HTR7: variants seen among roughly 807,000 people sequenced by gnomAD.
HTR7 encodes the protein 5-HT-7.
In HTR7, 16 loss-of-function variants were observed where a neutral mutation model predicts 34.0. The ratio of observed to expected loss-of-function variants is 0.47; its 90% CI spans 0.32 to 0.71. The LOEUF is 0.71. Ranked by LOEUF, HTR7 falls within the 30% of genes least tolerant of loss-of-function variation. HTR7 has a pLI of 0.04. For synonymous variants in HTR7, 265 were observed against 260.2 expected, an observed-to-expected ratio of 1.02 and a Z score of -0.18; for missense variants, 504 against 625.5, an observed-to-expected ratio of 0.81 and a Z score of 2.07.
chr10:90,817,802 G>A (rs1020872206), intron 1 of HTR7, among the ~76,000 whole-genome samples: 1 of 152,122 alleles, frequency 6.6e-6, no homozygotes, highest in Non-Finnish European at 1.5e-5. Context: ...ATAATAGCAA[G>A]AAAGTGGAAA....
intron 1 of HTR7, among the ~76,000 whole-genome samples, chr10:90,791,607 A>G (rs1207705355): frequency 2.6e-5 from 4 of 152,126 alleles, no homozygotes; most frequent in African/African-American, 9.7e-5. Context: ...CTAAATTAAA[A>G]TGTCATAGCC....
chr10:90,841,771 T>C (rs1054968053), intron 1 of HTR7, among the ~76,000 whole-genome samples: 1 of 152,052 alleles, frequency 6.6e-6, no homozygotes, highest in African/African-American at 2.4e-5. Context: ...AGGCCAAAGT[T>C]GGCTGATCAC....
chr10:90,818,107 T>A (rs1564692499), intron 1 of HTR7, among the ~76,000 whole-genome samples: 1 of 152,220 alleles, frequency 6.6e-6, no homozygotes, highest in Non-Finnish European at 1.5e-5. Flanking sequence ...GGTTTAAATG[T>A]GTTCATATGT....
chr10:90,829,937 T>C (rs1015737287), intron 1 of HTR7, among the ~76,000 whole-genome samples: 15 of 152,028 alleles, frequency 9.9e-5, no homozygotes, highest in African/African-American at 3.6e-4. Flanking sequence ...AGAGAACACA[T>C]ACAAAAAAAG....
At position 90,749,623 on chromosome 10, in the gene HTR7, G is replaced by T; in HGVS notation, c.540-29C>A. ...GTGGAGAGATGGAAAGATAACAGAT[G>T]AACACCGTGATCATAACTGGTCAAC... On this transcript the variant is annotated intron_variant, in intron 1 of 3. Coordinates refer to ENST00000336152, the MANE Select transcript of HTR7 (RefSeq NM_019859.4). The surrounding 1 kb of genome is among the most constrained non-coding windows in gnomAD (Gnocchi z 4.2). 1.3e-6 allele frequency: 2 copies of T among 1,575,228 alleles called. No homozygotes were observed. Among genetic ancestry groups the T allele is most frequent in the South Asian group, 1.2e-5 (1 of 84,196 alleles).
chr10:90,831,720 C>A (rs1034294720), intron 1 of HTR7, among the ~76,000 whole-genome samples: 1 of 152,032 alleles, frequency 6.6e-6, no homozygotes, highest in East Asian at 1.9e-4. Context: ...CTGATTGGTG[C>A]GTTTACAATC....
intron 2 of HTR7, 128 bp downstream of exon 2, chr10:90,748,711 A>G (rs1844679298): frequency 2.8e-6 from 3 of 1,073,840 alleles, no homozygotes; most frequent in South Asian, 1.6e-5. Flanking sequence ...ACTGTTGTCA[A>G]TTCAAATCTG....
intron 1 of HTR7, among the ~76,000 whole-genome samples, chr10:90,821,553 G>A (rs1333576986): frequency 6.6e-6 from 1 of 152,212 alleles, no homozygotes; most frequent in Non-Finnish European, 1.5e-5. Context: ...TAGAAAGGCA[G>A]TCTAGGTCAC....
chr10:90,800,100 A>G (rs1845601361), intron 1 of HTR7, among the ~76,000 whole-genome samples: 1 of 152,242 alleles, frequency 6.6e-6, no homozygotes. Context: ...TTAAATGACA[A>G]CAGAAATTCT....
At chr10:90,827,510 C>T (rs1846096644) in intron 1 of HTR7, among the ~76,000 whole-genome samples, 1 of 151,020 alleles carries the variant, frequency 6.6e-6, no homozygotes. Context: ...TAAAGACACA[C>T]ATAAACTGAA....
chr10:90,857,744 T>TCACCTC lies in HTR7; in HGVS notation c.-79_-74dup, dbSNP rs1186020952. 2 of 1,365,346 alleles carry TCACCTC rather than the reference T, an allele frequency of 1.5e-6. No homozygotes were observed. The highest frequency in any genetic ancestry group is 1.9e-6 in the Non-Finnish European group (2 of 1,059,766). 84.6% of individuals were successfully genotyped at this position (1,365,346 alleles called of 1,614,324 possible). On this transcript the variant is annotated 5_prime_UTR_variant, in exon 1 of 4. It removes the in-frame stop codon of an upstream open reading frame in the 5' UTR. Coordinates refer to ENST00000336152, the MANE Select transcript of HTR7 (RefSeq NM_019859.4). The surrounding 1 kb of genome is among the most constrained non-coding windows in gnomAD (Gnocchi z 6.5). ...GCCTCCGGCTGCCGGCCCCGGGGCTTCACCTCACCGGTTCCGCTCCGCCCG... is the reference window on the plus strand; with the variant it reads ...GCCTCCGGCTGCCGGCCCCGGGGCTTCACCTCCACCTCACCGGTTCCGCTCCGCCCG...
intron 1 of HTR7, among the ~76,000 whole-genome samples, chr10:90,845,032 G>T (rs1037693148): frequency 6.6e-5 from 10 of 152,104 alleles, no homozygotes; most frequent in African/African-American, 2.4e-4. Context: ...GATGATAGGG[G>T]CTGAAGTTGA....
intron 1 of HTR7, among the ~76,000 whole-genome samples, chr10:90,797,577 A>G (rs1845560053): frequency 6.6e-6 from 1 of 152,238 alleles, no homozygotes; most frequent in African/African-American, 2.4e-5. Flanking sequence ...GGTGTTTACA[A>G]GACAATACTA....
At chr10:90,758,913 C>T (rs1298236145) in intron 1 of HTR7, among the ~76,000 whole-genome samples, 4 of 152,092 alleles carry the variant, frequency 2.6e-5, no homozygotes, top group East Asian at 1.9e-4. Context: ...AGCGGCCGGG[C>T]GTGGTGGCTC....
chr10:90,839,590 G>A (rs1476621621), intron 1 of HTR7, among the ~76,000 whole-genome samples: 1 of 152,160 alleles, frequency 6.6e-6, no homozygotes, highest in Admixed American at 6.5e-5. Context: ...ATACAAACTG[G>A]ATAAATGGGT....
chr10:90,805,800 C>A (rs1275296630), intron 1 of HTR7, among the ~76,000 whole-genome samples: 1 of 152,126 alleles, frequency 6.6e-6, no homozygotes, highest in Non-Finnish European at 1.5e-5. Flanking sequence ...TGAAAGCACT[C>A]TAATCAATAG....
In HTR7 at chr10:90,749,587, C is replaced by T. The variant is rs761147053; in HGVS notation, c.547G>A (p.Gly183Arg). The T allele has an allele frequency of 3.1e-6, 5 of 1,608,002 alleles. No homozygotes were observed. The South Asian group carries it at 5.5e-5, about 18-fold the overall frequency. The change falls in exon 2 of 4, where the codon GGG becomes AGG. Residue 183 changes from glycine to arginine, a missense_variant. Around this residue, in one of 4 missense-constraint regions of HTR7, gnomAD observed 154 missense variants for 248.8 expected, o/e 0.62. Coordinates refer to ENST00000336152, the MANE Select transcript of HTR7 (RefSeq NM_019859.4). This position sits in a 1 kb window ranked among gnomAD's most constrained non-coding sequence, Gnocchi z 4.2. The part of the protein sequence containing the change: ...LCVISIDRYL[G>R]ITRPLTYPVR... ...GGGTATGTGAGGGGCCTTGTGATCC[C>T]AAGGTACCTAGTGGAGAGATGGAAA...
At chr10:90,832,268 G>A (rs1486776462) in intron 1 of HTR7, among the ~76,000 whole-genome samples, 14 of 152,216 alleles carry the variant, frequency 9.2e-5, no homozygotes, top group South Asian at 2.1e-4. Context: ...AGGAGGCCAC[G>A]GTGGGTGTAG....
chr10:90,794,294 T>TA (rs2119893599), intron 1 of HTR7, among the ~76,000 whole-genome samples: 1 of 152,294 alleles, frequency 6.6e-6, no homozygotes, highest in East Asian at 1.9e-4. Flanking sequence ...TCTCTTGCGA[T>TA]AAAAAATAGC....
Sources: allele counts gnomAD v4.1 joint callset (sites outside exome capture counted in the v4.1 genomes callset), GRCh38; gene constraint gnomAD v4.1.1; regional missense constraint gnomAD v4.1.1; non-coding constraint Gnocchi (gnomAD v3.1); transcripts MANE v1.5; gene names NCBI Gene and HGNC (gene_info 2026-07-23, HGNC 2026-07-21).